The following CNTN5 variants were observed in gnomAD, a reference collection of about 807,000 sequenced individuals.
CNTN5 encodes the protein contactin 5.
In CNTN5, 77 loss-of-function variants were observed where a neutral mutation model predicts 129.1. The observed-to-expected ratio is 0.60, with a 90% CI of 0.50 to 0.72. CNTN5 has a LOEUF of 0.72. CNTN5 is among the 30% of genes least tolerant of loss of function. CNTN5 has a pLI of 0.00. For synonymous variants in CNTN5, 509 were observed against 465.6 expected (o/e 1.09, Z -1.20); for missense variants, 1,478 against 1,328.8 (o/e 1.11, Z -1.75).
At chr11:99,996,163 G>T (rs1939431453) in intron 8 of CNTN5, among the ~76,000 whole-genome samples, 1 of 151,906 alleles carries the variant, frequency 6.6e-6, no homozygotes, top group South Asian at 2.1e-4. Context: ...GTACCTCATT[G>T]TCTGCCGAGT....
At chr11:99,161,638 T>C (rs1015551840) in intron 1 of CNTN5, among the ~76,000 whole-genome samples, 3 of 152,166 alleles carry the variant, frequency 2.0e-5, no homozygotes, top group Admixed American at 1.3e-4. Flanking sequence ...GACTGCCAGA[T>C]TCCAAAATTC....
rs116325577 is a variant in CNTN5 at position 99,642,884 on chromosome 11, T to C, written c.55+86615T>C. Among the ~76,000 whole-genome samples, 659 of 152,280 alleles carry C rather than the reference T, an allele frequency of 4.3e-3. 3 individuals carry two copies. Among genetic ancestry groups the C allele is most frequent in the African/African-American group, 0.015 (623 of 41,564 alleles). On this transcript the variant is annotated intron_variant, in intron 3 of 24. Transcript: ENST00000524871. ...GCTTGACTTATTTCACTTACCATAATGTCCTCTAGGTTCATCCATGTTGTT... is the reference window on the plus strand; with the variant it reads ...GCTTGACTTATTTCACTTACCATAACGTCCTCTAGGTTCATCCATGTTGTT...
chr11:99,557,163 T>C (rs1474444090), intron 3 of CNTN5, among the ~76,000 whole-genome samples: 1 of 151,278 alleles, frequency 6.6e-6, no homozygotes, highest in Non-Finnish European at 1.5e-5. Flanking sequence ...GTGTTAATTA[T>C]ACTAAATATA....
chr11:99,317,003 T>C (rs1865370910), intron 1 of CNTN5, among the ~76,000 whole-genome samples: 1 of 152,156 alleles, frequency 6.6e-6, no homozygotes, highest in Non-Finnish European at 1.5e-5. Flanking sequence ...GGAAGATCTT[T>C]TTCAGCTTTA....
At chr11:99,628,632 ACACAC>A (rs1249856564) in intron 3 of CNTN5, among the ~76,000 whole-genome samples, 1 of 151,342 alleles carries the variant, frequency 6.6e-6, no homozygotes, top group African/African-American at 2.4e-5. Context: ...ACACACACAC[ACACAC>A]ACACACACAC....
At chr11:99,696,244 T>TA (rs1219086219) in intron 3 of CNTN5, among the ~76,000 whole-genome samples, 1 of 152,110 alleles carries the variant, frequency 6.6e-6, no homozygotes, top group East Asian at 1.9e-4. Context: ...AGAGCTTCCT[T>TA]ACATGTCTAT....
intron 18 of CNTN5, among the ~76,000 whole-genome samples, chr11:100,283,718 G>T (rs936237307): frequency 1.3e-5 from 2 of 152,014 alleles, no homozygotes; most frequent in African/African-American, 4.8e-5. Flanking sequence ...GGCCGAGGTG[G>T]GTGAATAACC....
rs186873109 is a variant in CNTN5, at chr11:99,040,684, C to T, written c.-210+19414C>T. On this transcript the variant is annotated intron_variant, in intron 1 of 24. Coordinates refer to ENST00000524871, the MANE Select transcript of CNTN5 (RefSeq NM_014361.4). ...TGCAAGGCAAGCTGACATCTGATGA[C>T]ATCAACCCATTTTTAAATATTAGTA... Among the ~76,000 whole-genome samples the T allele has an allele frequency of 1.6e-4, 24 of 152,226 alleles. 2 individuals are homozygous for T. In the East Asian group the frequency reaches 4.6e-3, roughly 29 times the overall value.
intron 3 of CNTN5, among the ~76,000 whole-genome samples, chr11:99,652,924 T>C (rs1233005312): frequency 6.6e-6 from 1 of 151,982 alleles, no homozygotes; most frequent in Non-Finnish European, 1.5e-5. Flanking sequence ...TTTATTAAAG[T>C]TCTTTAAAAA....
chr11:99,539,894 G>A (rs1948038681), intron 2 of CNTN5, among the ~76,000 whole-genome samples: 1 of 152,058 alleles, frequency 6.6e-6, no homozygotes, highest in South Asian at 2.1e-4. Flanking sequence ...ACTTGATTTA[G>A]TAATTTGATC....
chr11:100,147,648 G>A (rs1565286464), intron 13 of CNTN5, among the ~76,000 whole-genome samples: 1 of 152,058 alleles, frequency 6.6e-6, no homozygotes, highest in Admixed American at 6.6e-5. Context: ...TTGTGTGTGT[G>A]TGTGTGTATC....
chr11:99,385,274 T>G (rs1940856303), intron 2 of CNTN5, among the ~76,000 whole-genome samples: 1 of 152,156 alleles, frequency 6.6e-6, no homozygotes, highest in African/African-American at 2.4e-5. Flanking sequence ...CCTTGCATCT[T>G]TTGATCAACA....
intron 18 of CNTN5, among the ~76,000 whole-genome samples, chr11:100,280,745 G>C (rs1291291060): frequency 6.6e-6 from 1 of 151,888 alleles, no homozygotes; most frequent in African/African-American, 2.4e-5. Flanking sequence ...GTTGTTTTGT[G>C]GTCTATTCTT....
intron 2 of CNTN5, among the ~76,000 whole-genome samples, chr11:99,460,100 A>T (rs1944638325): frequency 6.6e-6 from 1 of 151,922 alleles, no homozygotes; most frequent in African/African-American, 2.4e-5. Flanking sequence ...TTAAAAATAG[A>T]TGGAATGCGG....
chr11:100,320,483 C>A (rs1951667443), intron 21 of CNTN5, among the ~76,000 whole-genome samples: 1 of 152,080 alleles, frequency 6.6e-6, no homozygotes, highest in African/African-American at 2.4e-5. Context: ...TTTGCCCATT[C>A]TGTAGGATTT....
chr11:100,274,977 T>C (rs948149181), intron 18 of CNTN5, among the ~76,000 whole-genome samples: 2 of 152,218 alleles, frequency 1.3e-5, no homozygotes, highest in African/African-American at 4.8e-5. Context: ...AACCTGCACA[T>C]GTACCCGTGA....
chr11:99,852,793 A>G (rs1392752368), intron 6 of CNTN5, among the ~76,000 whole-genome samples: 1 of 152,180 alleles, frequency 6.6e-6, no homozygotes, highest in Non-Finnish European at 1.5e-5. Flanking sequence ...AACAAGGATC[A>G]GGGACTGTAT....
At chr11:99,523,344 C>T (rs1947339144) in intron 2 of CNTN5, among the ~76,000 whole-genome samples, 1 of 152,086 alleles carries the variant, frequency 6.6e-6, no homozygotes, top group South Asian at 2.1e-4. Context: ...TGCAGTGGCT[C>T]AGCATTTTGG....
intron 20 of CNTN5, among the ~76,000 whole-genome samples, chr11:100,302,093 A>C (rs1282243480): frequency 6.6e-6 from 1 of 151,582 alleles, no homozygotes; most frequent in East Asian, 1.9e-4. Flanking sequence ...TCTTTGTAAC[A>C]ATTGTCCTAA....
Sources: allele counts gnomAD v4.1 joint callset (sites outside exome capture counted in the v4.1 genomes callset), GRCh38; gene constraint gnomAD v4.1.1; transcripts MANE v1.5; gene names NCBI Gene and HGNC (gene_info 2026-07-23, HGNC 2026-07-21).